THRB: variants seen among roughly 807,000 people sequenced by gnomAD.
THRB encodes the protein nuclear receptor subfamily 1 group A member 2.
Under a neutral mutation model 47.8 loss-of-function variants are expected in THRB, and 12 were observed. The observed-to-expected ratio is 0.25, with a 90% confidence interval of 0.16 to 0.41. The LOEUF (loss-of-function observed/expected upper bound fraction) is 0.41, where lower values mean the gene tolerates loss of function less well. Ranked by LOEUF, THRB falls within the 10% of genes least tolerant of loss-of-function variation. The pLI is 1.00. For missense variants in THRB, 348 were observed against 589.2 expected (o/e 0.59, Z 4.24); for synonymous variants, 218 against 212.2 (o/e 1.03, Z -0.24).
At chr3:24,204,814 C>T (rs145280622) in intron 4 of THRB, among the ~76,000 whole-genome samples, 15 of 152,272 alleles carry the variant, frequency 9.9e-5, no homozygotes, top group East Asian at 3.9e-4. Flanking sequence ...TTAAATGACC[C>T]GATGGAGCGG....
At chr3:24,203,292 T>A (rs2044822875) in intron 4 of THRB, among the ~76,000 whole-genome samples, 1 of 152,086 alleles carries the variant, frequency 6.6e-6, no homozygotes. Context: ...CACACACCTG[T>A]GGTCCCAGCC....
chr3:24,347,934 G>T (rs1559989349), intron 1 of THRB, among the ~76,000 whole-genome samples: 1 of 152,036 alleles, frequency 6.6e-6, no homozygotes, highest in Non-Finnish European at 1.5e-5. Flanking sequence ...AGTTCATTCA[G>T]GTTATAGAAG....
At chr3:24,271,038 AG>A (rs2053268493) in intron 3 of THRB, among the ~76,000 whole-genome samples, 2 of 152,166 alleles carry the variant, frequency 1.3e-5, no homozygotes, top group Non-Finnish European at 2.9e-5. Flanking sequence ...TCCAAACCAT[AG>A]CCCTCCCTAG....
intron 4 of THRB, among the ~76,000 whole-genome samples, chr3:24,212,470 T>C (rs1344413478): frequency 6.7e-6 from 1 of 149,466 alleles, no homozygotes; most frequent in Admixed American, 6.7e-5. Flanking sequence ...TAATCCCAGC[T>C]ACTCCGGAGG....
chr3:24,414,268 A>G (rs954618251), intron 1 of THRB, among the ~76,000 whole-genome samples: 1 of 151,914 alleles, frequency 6.6e-6, no homozygotes, highest in Non-Finnish European at 1.5e-5. Context: ...TCTTTATATT[A>G]ATTCAGAAGA....
intron 5 of THRB, among the ~76,000 whole-genome samples, chr3:24,173,803 C>T (rs1424969347): frequency 2.0e-5 from 3 of 152,184 alleles, no homozygotes; most frequent in Admixed American, 6.5e-5. Flanking sequence ...TCAGTGTCTA[C>T]AGCTTCAGCT....
chr3:24,320,143 G>C (rs1405761755), intron 2 of THRB, among the ~76,000 whole-genome samples: 1 of 152,208 alleles, frequency 6.6e-6, no homozygotes, highest in Non-Finnish European at 1.5e-5. Flanking sequence ...TCCGAAGAGT[G>C]TAAGCATACT....
At chr3:24,256,697 T>C (rs2051320981) in intron 3 of THRB, among the ~76,000 whole-genome samples, 1 of 152,098 alleles carries the variant, frequency 6.6e-6, no homozygotes, top group Non-Finnish European at 1.5e-5. Context: ...CAGATGTAGG[T>C]AGGCTCATGT....
rs369977918 is a variant in THRB at position 24,178,648 on chromosome 3, T to C, written c.283+11426A>G. 2.2e-4 allele frequency among the ~76,000 whole-genome samples: 34 copies of C among 152,324 alleles called. 1 individual carries two copies. The highest frequency in any genetic ancestry group is 7.7e-4 in the African/African-American group (32 of 41,576). On this transcript the variant is annotated intron_variant, in intron 5 of 10. Transcript: ENST00000646209. ...ACTAACATGAACCTGGAGGACATTA[T>C]GCTAAGTGAAATAGGCCAGGCACAG...
chr3:24,132,066 G>A (rs1414823273), intron 9 of THRB, among the ~76,000 whole-genome samples: 1 of 152,190 alleles, frequency 6.6e-6, no homozygotes, highest in South Asian at 2.1e-4. Context: ...AGGTCTCTGT[G>A]TCCCTCTGAT....
At chr3:24,492,137 A>G (rs1204657478) in intron 1 of THRB, among the ~76,000 whole-genome samples, 1 of 152,216 alleles carries the variant, frequency 6.6e-6, no homozygotes, top group African/African-American at 2.4e-5. Context: ...TTTTGAGAAC[A>G]TAATATTTGG....
At chr3:24,204,645 T>C (rs1360767217) in intron 4 of THRB, among the ~76,000 whole-genome samples, 1 of 152,182 alleles carries the variant, frequency 6.6e-6, no homozygotes, top group African/African-American at 2.4e-5. Context: ...GGAACAAAGC[T>C]GGTTGGAGAA....
At chr3:24,238,310 T>G (rs2049125692) in intron 3 of THRB, among the ~76,000 whole-genome samples, 3 of 137,160 alleles carry the variant, frequency 2.2e-5, no homozygotes, top group African/African-American at 2.7e-5. Context: ...GGTGTGTGTG[T>G]GATGAACGGA....
rs549469339 is a variant in THRB at position 24,190,128 on chromosome 3, C to T, written c.229G>A (p.Asp77Asn). 29 of 1,614,004 alleles carry T rather than the reference C, an allele frequency of 1.8e-5. No homozygotes were observed. The African/African-American group carries it at 2.8e-4, about 16-fold the overall frequency. Residue 77 changes from aspartate (D) to asparagine (N), a missense_variant, in exon 5 of 11, where the codon GAC becomes AAC. Asp to Asn is a conservative substitution (Grantham distance 23). Around this residue, in one of 5 missense-constraint regions of THRB, gnomAD observed 148 missense variants for 122.3 expected, o/e 1.21. Transcript: ENST00000646209. ...IFHLDHDDVN[D>N]QSVSSAQTFQ... The stretch of plus-strand genomic sequence containing the variant: ...GTCTGGGCACTTGAGACACTCTGGT[C>T]GTTCACATCATCATGGTCCAGATGG...
At chr3:24,257,158 C>G (rs1256898653) in intron 3 of THRB, among the ~76,000 whole-genome samples, 2 of 152,112 alleles carry the variant, frequency 1.3e-5, no homozygotes, top group African/African-American at 4.8e-5. Flanking sequence ...TAAACATTCA[C>G]GATGTCCTCA....
chr3:24,179,832 T>TA (rs889009092), intron 5 of THRB, among the ~76,000 whole-genome samples: 3 of 152,276 alleles, frequency 2.0e-5, no homozygotes, highest in East Asian at 3.9e-4. Context: ...CAAAAAGTCT[T>TA]AAAAAAATCA....
chr3:24,175,061 C>T (rs563212929), intron 5 of THRB, among the ~76,000 whole-genome samples: 3 of 152,250 alleles, frequency 2.0e-5, no homozygotes, highest in Non-Finnish European at 2.9e-5. Context: ...TTTGATGAGT[C>T]CAGAAACTTA....
intron 1 of THRB, among the ~76,000 whole-genome samples, chr3:24,424,958 TA>T (rs1255562182): frequency 2.6e-5 from 4 of 151,968 alleles, no homozygotes; most frequent in Non-Finnish European, 4.4e-5. Context: ...TACTATTTAA[TA>T]TAATATTTGT....
intron 3 of THRB, among the ~76,000 whole-genome samples, chr3:24,243,377 T>C (rs575169695): frequency 6.6e-6 from 1 of 152,242 alleles, no homozygotes; most frequent in South Asian, 2.1e-4. Context: ...CTGCCCCATC[T>C]GCCTCTCTGT....
Sources: gnomAD v4.1 joint callset for allele counts (sites outside exome capture counted in the v4.1 genomes callset) on GRCh38, gnomAD v4.1.1 for gene constraint, gnomAD v4.1.1 regional missense constraint, MANE v1.5 for transcripts, NCBI Gene and HGNC (gene_info 2026-07-23, HGNC 2026-07-21) for gene names.